PCDHA2: variants seen among roughly 807,000 people sequenced by gnomAD.
PCDHA2 encodes protocadherin alpha-2.
PCDHA2 carries 58 observed loss-of-function variants against 66.0 expected under a neutral mutation model. The ratio of observed to expected loss-of-function variants is 0.88; its 90% CI spans 0.71 to 1.09. PCDHA2 has a LOEUF of 1.09. Ranked by LOEUF, PCDHA2 falls within the 50% of genes least tolerant of loss-of-function variation. The probability of loss-of-function intolerance (pLI) is 0.00; values close to 1 mark genes in which losing one functional copy is unlikely to be tolerated. For synonymous variants in PCDHA2, 634 were observed against 554.0 expected, an observed-to-expected ratio of 1.14 and a Z score of -2.03; for missense variants, 1,267 against 1,242.3, an observed-to-expected ratio of 1.02 and a Z score of -0.30.
chr5:140,802,702 G>A (rs1554122295), intron 1 of PCDHA2: 6 of 1,612,366 alleles, frequency 3.7e-6, no homozygotes, highest in East Asian at 2.2e-5. Flanking sequence ...GTGGGGGAGC[G>A]CGCGCTGTCG....
intron 1 of PCDHA2, among the ~76,000 whole-genome samples, chr5:140,917,083 T>C (rs2077876290): frequency 6.6e-6 from 1 of 152,078 alleles, no homozygotes; most frequent in South Asian, 2.1e-4. Flanking sequence ...TAATGTAAAG[T>C]TCCCCAGTTG....
intron 1 of PCDHA2, among the ~76,000 whole-genome samples, chr5:140,881,137 A>G (rs1554171789): frequency 6.6e-6 from 1 of 152,246 alleles, no homozygotes; most frequent in Non-Finnish European, 1.5e-5. Context: ...AGAGATAGTT[A>G]TAACAATAGA....
intron 3 of PCDHA2, among the ~76,000 whole-genome samples, chr5:141,008,045 CAG>C (rs1416741468): frequency 2.0e-5 from 3 of 151,924 alleles, no homozygotes; most frequent in South Asian, 2.1e-4. Context: ...CCTTTTGTAA[CAG>C]GGGTCCAGTC....
chr5:140,809,248 G>A, intron 1 of PCDHA2: 1 of 1,614,068 alleles, frequency 6.2e-7, no homozygotes, highest in Non-Finnish European at 8.5e-7. Context: ...TGGGCGCTGT[G>A]GGTCCCGATG....
intron 1 of PCDHA2, chr5:140,808,771 A>G (rs144593807): frequency 0.05 from 81,271 of 1,612,206 alleles, 2,409 homozygotes; most frequent in Middle Eastern, 0.074. Context: ...ACGAGGAGCT[A>G]GAGCTGCTGC....
chr5:140,967,684 G>A (rs1404001288), intron 1 of PCDHA2: 2 of 1,614,074 alleles, frequency 1.2e-6, no homozygotes, highest in Non-Finnish European at 8.5e-7. Context: ...GGGAGAGGCA[G>A]CTCTTCAGCA....
At position 140,968,680 on chromosome 5, in the gene PCDHA2, C is replaced by T. The variant is rs546565550; in HGVS notation, c.2389-10269C>T. 10 of 1,614,154 alleles carry T rather than the reference C, an allele frequency of 6.2e-6. No homozygotes were observed. The South Asian group carries it at 6.6e-5, about 11-fold the overall frequency. ...TGGACCTCTTTAAGGTAGAGCTGCA[C>T]ACAGGAGAAATTAGGACTACCAGGA... On this transcript the variant is annotated intron_variant, in intron 1 of 3. Coordinates refer to ENST00000526136, the MANE Select transcript of PCDHA2 (RefSeq NM_018905.3).
At chr5:140,813,295 A>G (rs1554126164) in intron 1 of PCDHA2, 1 of 152,192 alleles carries the variant, frequency 6.6e-6, no homozygotes, top group African/African-American at 2.4e-5. Flanking sequence ...TCATTCTGAG[A>G]TTTCATCACT....
chr5:140,888,324 T>C (rs1191192546), intron 1 of PCDHA2, among the ~76,000 whole-genome samples: 1 of 152,152 alleles, frequency 6.6e-6, no homozygotes, highest in East Asian at 1.9e-4. Flanking sequence ...CCTGGATACA[T>C]TTTTGGTTAT....
rs201131092 is a variant in PCDHA2 at position 141,009,948 on chromosome 5, T to A, written c.*11T>A. ...AACAGTGACCAGTGAGGTCCTCAAATGGAAACAAGCCACTTAGCCAGTTTT... is the reference window on the plus strand; with the variant it reads ...AACAGTGACCAGTGAGGTCCTCAAAAGGAAACAAGCCACTTAGCCAGTTTT... On this transcript the variant is annotated 3_prime_UTR_variant, in exon 4 of 4. Coordinates refer to ENST00000526136, the MANE Select transcript of PCDHA2 (RefSeq NM_018905.3). The A allele has an allele frequency of 9.4e-6, 15 of 1,595,948 alleles. No homozygotes were observed. In the East Asian group the frequency reaches 3.4e-4, roughly 36 times the overall value.
At chr5:140,798,485 A>G (rs1762329932) in intron 1 of PCDHA2, among the ~76,000 whole-genome samples, 1 of 152,146 alleles carries the variant, frequency 6.6e-6, no homozygotes, top group South Asian at 2.1e-4. Flanking sequence ...ATTTAAGTGG[A>G]GACTACCCAG....
At chr5:140,967,591 G>A (rs1554229706) in intron 1 of PCDHA2, 1 of 1,614,154 alleles carries the variant, frequency 6.2e-7, no homozygotes, top group East Asian at 2.2e-5. Flanking sequence ...CAGGCACATT[G>A]GTGGTGAAGC....
intron 1 of PCDHA2, chr5:140,802,833 G>C (rs782195436): frequency 6.2e-7 from 1 of 1,613,478 alleles, no homozygotes; most frequent in African/African-American, 1.3e-5. Context: ...GCCGCCTCTG[G>C]GCAGCAACGT....
chr5:140,882,375 C>T (rs879994353), intron 1 of PCDHA2: 1 of 1,614,212 alleles, frequency 6.2e-7, no homozygotes, highest in Non-Finnish European at 8.5e-7. Context: ...TACTCCGTCC[C>T]CGAGGAAGCA....
chr5:140,838,630 TG>T (rs1775811186), intron 1 of PCDHA2, among the ~76,000 whole-genome samples: 3 of 152,046 alleles, frequency 2.0e-5, no homozygotes, highest in African/African-American at 7.3e-5. Flanking sequence ...ACAAATAATT[TG>T]GTTGGTCAAA....
At chr5:140,881,798 A>G (rs2153381417) in intron 1 of PCDHA2, among the ~76,000 whole-genome samples, 1 of 152,372 alleles carries the variant, frequency 6.6e-6, no homozygotes, top group South Asian at 2.1e-4. Context: ...TTGTCCCAAA[A>G]CGAGTGTCGA....
intron 1 of PCDHA2, chr5:140,882,751 T>C: frequency 6.2e-7 from 1 of 1,614,242 alleles, no homozygotes; most frequent in Non-Finnish European, 8.5e-7. Flanking sequence ...CCGATGCAGA[T>C]ATTGGAGTAA....
chr5:140,905,540 C>T (rs1294771375), intron 1 of PCDHA2, among the ~76,000 whole-genome samples: 5 of 151,890 alleles, frequency 3.3e-5, no homozygotes, highest in African/African-American at 9.7e-5. Flanking sequence ...TCCATATGAA[C>T]TTTAGGATTG....
intron 1 of PCDHA2, chr5:140,877,734 G>A (rs2057311538): frequency 1.9e-6 from 3 of 1,614,070 alleles, no homozygotes; most frequent in African/African-American, 2.7e-5. Flanking sequence ...CGCAGCAGAG[G>A]AGGCAGAGGG....
Sources: gnomAD v4.1 joint callset for allele counts (sites outside exome capture counted in the v4.1 genomes callset) on GRCh38, gnomAD v4.1.1 for gene constraint, MANE v1.5 for transcripts, NCBI Gene and HGNC (gene_info 2026-07-23, HGNC 2026-07-21) for gene names.